Variants in PI4KA observed in about 807,000 individuals in gnomAD.
PI4KA encodes phosphatidylinositol 4-kinase alpha.
Under a neutral mutation model 271.4 loss-of-function variants are expected in PI4KA, and 122 were observed. That is an observed-to-expected ratio of 0.45 (90% CI 0.39 to 0.52). The LOEUF is 0.52. PI4KA is among the 20% of genes least tolerant of loss of function. The pLI is 0.00. For missense variants in PI4KA, 1,969 were observed against 2,769.1 expected (o/e 0.71, Z 6.48); for synonymous variants, 1,041 against 1,078.8 (o/e 0.96, Z 0.69).
In PI4KA at chr22:20,813,470, T is replaced by G. The variant is rs758003579; in HGVS notation, c.893A>C (p.Glu298Ala). 20 of 1,613,938 alleles carry G rather than the reference T, an allele frequency of 1.2e-5. No homozygotes were observed. The highest frequency in any genetic ancestry group is 8.3e-5 in the Admixed American group (5 of 59,998). ...CLPDGTALEP[E>A]YYFSTISSSF... ...GGAGCTGATGGTTGAAAAGTAGTACTCAGGCTCTAGGGCAGTCCCATCGGG... is the reference window on the plus strand; with the variant it reads ...GGAGCTGATGGTTGAAAAGTAGTACGCAGGCTCTAGGGCAGTCCCATCGGG... The change falls in exon 8 of 55, where the codon GAG becomes GCG. Residue 298 changes from glutamate to alanine, a missense_variant. By Grantham distance (107) the Glu-to-Ala change is moderately radical. Transcript: ENST00000255882.
intron 19 of PI4KA, among the ~76,000 whole-genome samples, chr22:20,782,773 A>T (rs904663492): frequency 6.6e-6 from 1 of 152,206 alleles, no homozygotes; most frequent in African/African-American, 2.4e-5. Context: ...TACCATGCAC[A>T]GGGCAGCCCA....
At chr22:20,786,234 C>G in intron 19 of PI4KA, 1 of 1,437,082 alleles carries the variant, frequency 7.0e-7, no homozygotes, top group Non-Finnish European at 9.8e-7. Context: ...CTACCCACCC[C>G]CCAATCTCAT....
chr22:20,822,056 C>T (rs183057053), intron 4 of PI4KA, among the ~76,000 whole-genome samples: 1 of 152,306 alleles, frequency 6.6e-6, no homozygotes, highest in East Asian at 1.9e-4. Context: ...GTGAGGGTCA[C>T]TTGAGCCCAG....
chr22:20,759,304 A>G (rs1165067265), intron 23 of PI4KA, among the ~76,000 whole-genome samples: 1 of 152,148 alleles, frequency 6.6e-6, no homozygotes, highest in Admixed American at 6.5e-5. Flanking sequence ...TTGGCCTCCC[A>G]AAGTATTGGG....
intron 23 of PI4KA, among the ~76,000 whole-genome samples, chr22:20,758,454 CTTTT>C (rs1424397527): frequency 1.3e-5 from 1 of 77,610 alleles, no homozygotes; most frequent in South Asian, 4.3e-4. Flanking sequence ...ATTTTTCTTT[CTTTT>C]CTTTTTTTTT....
In PI4KA at chr22:20,811,023, T is replaced by A. The variant is rs61752248; in HGVS notation, c.1015A>T (p.Ile339Phe). ...GATTTGAGAACAGCCTCCTCAACGATCTTCTTCACCTACCAAGGAAACAGA... is the reference window on the plus strand; with the variant it reads ...GATTTGAGAACAGCCTCCTCAACGAACTTCTTCACCTACCAAGGAAACAGA... The part of the protein sequence containing the change: ...LRELLNLVKK[I>F]VEEAVLKSLD... The change falls in exon 9 of 55, where the codon ATC (isoleucine) becomes TTC (phenylalanine). Residue 339 changes from isoleucine to phenylalanine, a missense_variant. This residue lies in a region of PI4KA where 540 missense variants were observed against 555.5 expected (regional missense o/e 0.97). Coordinates refer to ENST00000255882, the MANE Select transcript of PI4KA (RefSeq NM_058004.4). 2.5e-6 allele frequency: 4 copies of A among 1,613,038 alleles called. No homozygotes were observed. In the South Asian group the frequency reaches 4.4e-5, roughly 18 times the overall value.
intron 19 of PI4KA, among the ~76,000 whole-genome samples, chr22:20,778,994 A>G (rs1260264076): frequency 6.6e-6 from 1 of 152,186 alleles, no homozygotes; most frequent in Non-Finnish European, 1.5e-5. Flanking sequence ...GGAGAAAAAC[A>G]AACTCCTCCC....
In PI4KA at chr22:20,796,173, CCT is replaced by C; in HGVS notation, c.2248_2249del (p.Arg750GlyfsTer12). The stretch of plus-strand genomic sequence containing the variant: ...TTAGGGCAGGGCCCTTCTCGCTTGC[CCT>C]CTCGCTGGCTCGCTTCCCCTCCAGC... ...LGLEGKRASE[R>X]ASEKGPALKA... On this transcript the variant is annotated frameshift_variant, in exon 18 of 55. Transcript: ENST00000255882. LOFTEE classifies it high-confidence loss of function. 6.2e-7 allele frequency: 1 copy of C among 1,613,922 alleles called. No individual in the cohort carries two copies. Among genetic ancestry groups the C allele is most frequent in the Non-Finnish European group, 8.5e-7 (1 of 1,179,818 alleles).
At chr22:20,757,279 C>A (rs1177812170) in intron 23 of PI4KA, among the ~76,000 whole-genome samples, 2 of 152,218 alleles carry the variant, frequency 1.3e-5, no homozygotes, top group Non-Finnish European at 2.9e-5. Context: ...TGTACATTTA[C>A]TGGCTAAGTG....
At chr22:20,774,758 C>CAAA (rs361993) in intron 19 of PI4KA, among the ~76,000 whole-genome samples, 14 of 107,360 alleles carry the variant, frequency 1.3e-4, no homozygotes, top group Admixed American at 6.5e-4. Context: ...TAGACTCCGT[C>CAAA]AAAAAAAAAA....
rs1171352806 is a variant in PI4KA, at chr22:20,727,784, T to G, written c.4763A>C (p.Glu1588Ala). 7 of 1,613,562 alleles carry G rather than the reference T, an allele frequency of 4.3e-6. No homozygotes were observed. In the African/African-American group the frequency reaches 6.7e-5, roughly 15 times the overall value. Residue 1588 changes from glutamate to alanine, a missense_variant, in exon 40 of 55, where the codon GAA becomes GCA. This residue lies in a region of PI4KA where 388 missense variants were observed against 521.5 expected (regional missense o/e 0.74). Transcript: ENST00000255882. The stretch of plus-strand genomic sequence containing the variant: ...CGTGGGCTACACTACCTTGATTGCT[T>G]CAGGCACATCACTAACGGCTCCCGG... Reference protein sequence around the residue: ...LDPGAVSDVPEAIKFLVTWHT... With the variant: ...LDPGAVSDVPAAIKFLVTWHT...
intron 49 of PI4KA, 26 bp downstream of exon 49, chr22:20,712,667 C>T: frequency 6.4e-7 from 1 of 1,554,380 alleles, no homozygotes. Flanking sequence ...CAGGGCTGCC[C>T]TACTGGCTCC....
intron 29 of PI4KA, among the ~76,000 whole-genome samples, chr22:20,745,434 T>C (rs1244959380): frequency 1.3e-5 from 2 of 152,156 alleles, no homozygotes; most frequent in African/African-American, 4.8e-5. Context: ...GCATCAGTAC[T>C]AATGGGGAAA....
intron 17 of PI4KA, among the ~76,000 whole-genome samples, chr22:20,797,026 G>A (rs1392525954): frequency 1.3e-5 from 2 of 152,184 alleles, no homozygotes; most frequent in East Asian, 3.8e-4. Flanking sequence ...TTCTTCCTAA[G>A]TAAAACAAGG....
In PI4KA at chr22:20,779,527, A is replaced by AG. The variant is rs1244079448; in HGVS notation, c.2328+13665dup. On this transcript the variant is annotated intron_variant, in intron 19 of 54. Transcript: ENST00000255882. ...ACCGTCACCAACGACTGGATTCCAG[A>AG]GGGGGAGGAGGACGACGACTATCTG... is the stretch of plus-strand genomic sequence containing the variant. 6.2e-7 allele frequency: 1 copy of AG among 1,613,926 alleles called. No individual in the cohort carries two copies.
At chr22:20,764,676 G>A (rs1289751823) in intron 22 of PI4KA, 141 bp downstream of exon 22, 1 of 784,460 alleles carries the variant, frequency 1.3e-6, no homozygotes, top group Non-Finnish European at 2.0e-6. Context: ...GAGAAAAGTA[G>A]AGGGTGTTTT....
At chr22:20,839,225 A>T (rs1306857928) in intron 1 of PI4KA, among the ~76,000 whole-genome samples, 5 of 152,212 alleles carry the variant, frequency 3.3e-5, no homozygotes, top group Non-Finnish European at 7.3e-5. Context: ...TCAAAAACAA[A>T]CAAACAAACA....
intron 22 of PI4KA, chr22:20,764,486 A>C: frequency 4.3e-6 from 1 of 233,048 alleles, no homozygotes; most frequent in South Asian, 7.3e-5. Flanking sequence ...AGTGTCCTAG[A>C]CACGCACTCA....
chr22:20,755,826 A>C (rs966051168), intron 23 of PI4KA, among the ~76,000 whole-genome samples: 12 of 152,028 alleles, frequency 7.9e-5, no homozygotes, highest in African/African-American at 2.9e-4. Flanking sequence ...AAGAAAAGAA[A>C]AAGAAAAAAA....
Sources: gnomAD v4.1 joint callset for allele counts (sites outside exome capture counted in the v4.1 genomes callset) on GRCh38, gnomAD v4.1.1 for gene constraint, gnomAD v4.1.1 regional missense constraint, MANE v1.5 for transcripts, NCBI Gene and HGNC (gene_info 2026-07-23, HGNC 2026-07-21) for gene names.